The following APBB2 variants were observed in gnomAD, a reference collection of about 807,000 sequenced individuals.
APBB2 encodes Fe65-like 1.
APBB2 carries 38 observed loss-of-function variants against 82.5 expected under a neutral mutation model. That is an observed-to-expected ratio of 0.46 (90% CI 0.36 to 0.60). The LOEUF is 0.60. Among genes scored for constraint, APBB2 ranks in the 20% least tolerant of loss-of-function variants. The probability of loss-of-function intolerance (pLI) is 0.00; values close to 1 mark genes in which losing one functional copy is unlikely to be tolerated. For missense variants in APBB2, 772 were observed against 972.3 expected (o/e 0.79, Z 2.74); for synonymous variants, 341 against 368.2 (o/e 0.93, Z 0.85).
rs186574661 is a variant in APBB2, at chr4:41,210,856, C to T, written c.-417+3549G>A. On this transcript the variant is annotated intron_variant, in intron 1 of 17. Transcript: ENST00000508593. ...TCTATTGCTGTGAAATCACGAGCATCTACCTTTTCAGAGGGGTTTTCTTAG... is the reference window on the plus strand; with the variant it reads ...TCTATTGCTGTGAAATCACGAGCATTTACCTTTTCAGAGGGGTTTTCTTAG... Among the ~76,000 whole-genome samples, 17 of 152,350 alleles carry T rather than the reference C, an allele frequency of 1.1e-4. No homozygotes were observed. The East Asian group carries it at 2.9e-3, about 26-fold the overall frequency.
At chr4:40,995,931 A>AT (rs1450819828) in intron 6 of APBB2, among the ~76,000 whole-genome samples, 1 of 152,102 alleles carries the variant, frequency 6.6e-6, no homozygotes, top group Non-Finnish European at 1.5e-5. Flanking sequence ...AAGCCTCCCA[A>AT]CATACTGGGA....
At chr4:41,005,701 G>A (rs574473361) in intron 6 of APBB2, among the ~76,000 whole-genome samples, 50 of 152,194 alleles carry the variant, frequency 3.3e-4, no homozygotes, top group Non-Finnish European at 6.2e-4. Context: ...GCCAAACTAA[G>A]AACTAAAATC....
intron 2 of APBB2, among the ~76,000 whole-genome samples, chr4:41,102,638 G>A (rs964095668): frequency 6.6e-6 from 1 of 152,118 alleles, no homozygotes; most frequent in Non-Finnish European, 1.5e-5. Context: ...GGTGACTTCG[G>A]TTTCCACCAG....
At chr4:40,881,314 GA>G in intron 12 of APBB2, 1 of 984,968 alleles carries the variant, frequency 1.0e-6, no homozygotes, top group Non-Finnish European at 1.2e-6. Context: ...GCAGATCTTG[GA>G]ATTCCATCAG....
At chr4:40,964,860 C>T (rs531838192) in intron 6 of APBB2, among the ~76,000 whole-genome samples, 1 of 151,796 alleles carries the variant, frequency 6.6e-6, no homozygotes, top group Non-Finnish European at 1.5e-5. Flanking sequence ...GTGGCTCACA[C>T]CTGTAATCTT....
chr4:40,922,795 T>G (rs1781595153), intron 10 of APBB2, among the ~76,000 whole-genome samples: 1 of 151,492 alleles, frequency 6.6e-6, no homozygotes, highest in Non-Finnish European at 1.5e-5. Flanking sequence ...ATTTTTTTTT[T>G]TTTTTATAGA....
chr4:40,928,291 C>T (rs1263500506), intron 10 of APBB2, among the ~76,000 whole-genome samples: 1 of 152,058 alleles, frequency 6.6e-6, no homozygotes, highest in Non-Finnish European at 1.5e-5. Flanking sequence ...GCCTGTAATC[C>T]CAGCACTTTG....
intron 3 of APBB2, among the ~76,000 whole-genome samples, chr4:41,079,478 T>C (rs539619060): frequency 6.6e-6 from 1 of 152,152 alleles, no homozygotes; most frequent in South Asian, 2.1e-4. Context: ...TGGGGGAAGG[T>C]TAAGCTTTAA....
chr4:41,145,052 C>T (rs1580386809), intron 1 of APBB2, among the ~76,000 whole-genome samples: 4 of 152,278 alleles, frequency 2.6e-5, no homozygotes, highest in South Asian at 2.1e-4. Context: ...CCTGGGAAGT[C>T]GGGGCTGCAG....
chr4:40,898,842 AACACACACAC>A (rs1230808118), intron 10 of APBB2, among the ~76,000 whole-genome samples: 3 of 108,500 alleles, frequency 2.8e-5, no homozygotes, highest in Admixed American at 1.1e-4. Flanking sequence ...AGAAAAAAGA[AACACACACAC>A]ACTCACACAC....
chr4:41,197,433 A>G, intron 1 of APBB2, among the ~76,000 whole-genome samples: 1 of 152,184 alleles, frequency 6.6e-6, no homozygotes, highest in African/African-American at 2.4e-5. Flanking sequence ...TTGGCCAAAC[A>G]CTGATCTAAG....
At chr4:40,858,099 A>G (rs961283132) in intron 12 of APBB2, among the ~76,000 whole-genome samples, 4 of 152,052 alleles carry the variant, frequency 2.6e-5, no homozygotes, top group African/African-American at 9.7e-5. Flanking sequence ...CAACATTGTC[A>G]TCTCTAGCTG....
chr4:41,109,385 G>A (rs1748381749), intron 2 of APBB2, among the ~76,000 whole-genome samples: 1 of 152,078 alleles, frequency 6.6e-6, no homozygotes, highest in Non-Finnish European at 1.5e-5. Flanking sequence ...CCACCTCCCG[G>A]GTTCAAGCAA....
chr4:41,075,748 T>G (rs889597258), intron 3 of APBB2, among the ~76,000 whole-genome samples: 11 of 152,226 alleles, frequency 7.2e-5, no homozygotes, highest in Admixed American at 5.9e-4. Flanking sequence ...TATAACTGGG[T>G]CTGAGGTCAG....
chr4:40,955,824 T>A (rs969565575), intron 6 of APBB2, among the ~76,000 whole-genome samples: 1 of 152,038 alleles, frequency 6.6e-6, no homozygotes, highest in Admixed American at 6.5e-5. Flanking sequence ...TTGCCCAGGC[T>A]GAATGCAATG....
chr4:41,091,274 A>G (rs1741590293), intron 3 of APBB2, among the ~76,000 whole-genome samples: 1 of 152,206 alleles, frequency 6.6e-6, no homozygotes, highest in Non-Finnish European at 1.5e-5. Flanking sequence ...TTTGTTTGCA[A>G]GACTTTGTTT....
intron 6 of APBB2, among the ~76,000 whole-genome samples, chr4:40,982,096 A>C (rs948346758): frequency 1.3e-5 from 2 of 150,788 alleles, no homozygotes; most frequent in Non-Finnish European, 3.0e-5. Flanking sequence ...GAGGCGTAAA[A>C]ATCGCTTGAA....
chr4:41,039,389 A>G (rs1720480308), intron 4 of APBB2, among the ~76,000 whole-genome samples: 1 of 152,124 alleles, frequency 6.6e-6, no homozygotes, highest in Non-Finnish European at 1.5e-5. Context: ...AACTTATTTG[A>G]CACTTAAATC....
intron 3 of APBB2, among the ~76,000 whole-genome samples, chr4:41,071,987 T>C (rs1014381790): frequency 6.6e-6 from 1 of 151,144 alleles, no homozygotes; most frequent in Non-Finnish European, 1.5e-5. Context: ...GCTGGGTTTC[T>C]ACCACCACAA....
Sources: allele counts gnomAD v4.1 joint callset (sites outside exome capture counted in the v4.1 genomes callset), GRCh38; gene constraint gnomAD v4.1.1; transcripts MANE v1.5; gene names NCBI Gene and HGNC (gene_info 2026-07-23, HGNC 2026-07-21).